Variants in PRKN observed in about 807,000 individuals in gnomAD.
PRKN encodes parkin RBR E3 ubiquitin protein ligase.
A neutral mutation model predicts 59.5 loss-of-function variants in PRKN; 56 were observed. That is an observed-to-expected ratio of 0.94 (90% CI 0.76 to 1.18). The LOEUF is 1.18. Among genes scored for constraint, PRKN ranks in the 50% most tolerant of loss-of-function variants. The pLI is 0.00. For missense variants in PRKN, 657 were observed against 596.4 expected (o/e 1.10, Z -1.06); for synonymous variants, 250 against 222.1 (o/e 1.13, Z -1.12).
chr6:161,756,304 T>C (rs1190810028), intron 7 of PRKN, among the ~76,000 whole-genome samples: 1 of 151,890 alleles, frequency 6.6e-6, no homozygotes, highest in Non-Finnish European at 1.5e-5. Context: ...CAGCCAGGCA[T>C]GGTCGTGCAC....
rs1472756640 is a variant in PRKN at position 161,786,413 on chromosome 6, A to G, written c.735-505T>C. Among the ~76,000 whole-genome samples the G allele has an allele frequency of 4.6e-5, 7 of 152,250 alleles. No homozygotes were observed. The East Asian group carries it at 1.4e-3, about 29-fold the overall frequency. On this transcript the variant is annotated intron_variant, in intron 6 of 11. Coordinates refer to ENST00000366898, the MANE Select transcript of PRKN (RefSeq NM_004562.3). Reference sequence around the variant, plus strand: ...TGTTTTAAAAATTTAAATCTTTAAAACATTTTAAATATTTTTTTCCTCCAA... The same window carrying G: ...TGTTTTAAAAATTTAAATCTTTAAAGCATTTTAAATATTTTTTTCCTCCAA...
chr6:162,033,842 A>T (rs1355327434), intron 5 of PRKN, among the ~76,000 whole-genome samples: 11 of 152,030 alleles, frequency 7.2e-5, no homozygotes, highest in Admixed American at 7.2e-4. Context: ...TTATTTATTA[A>T]TCTCCAGAAT....
chr6:162,568,078 T>C (rs1171955286), intron 1 of PRKN, among the ~76,000 whole-genome samples: 1 of 152,172 alleles, frequency 6.6e-6, no homozygotes, highest in East Asian at 1.9e-4. Context: ...AGAATGAAAC[T>C]AGACTTCTAT....
intron 1 of PRKN, among the ~76,000 whole-genome samples, chr6:162,464,776 C>T (rs999065938): frequency 3.3e-5 from 5 of 151,470 alleles, no homozygotes; most frequent in Admixed American, 3.3e-4. Context: ...TTGCAGTGAG[C>T]CGAGATCGCG....
chr6:161,741,102 C>T (rs1021523612), intron 7 of PRKN, among the ~76,000 whole-genome samples: 8 of 152,324 alleles, frequency 5.3e-5, no homozygotes, highest in African/African-American at 1.9e-4. Context: ...CTTAATTCAG[C>T]CTATTCTCCT....
At chr6:162,196,815 C>T (rs1784512674) in intron 4 of PRKN, among the ~76,000 whole-genome samples, 1 of 152,088 alleles carries the variant, frequency 6.6e-6, no homozygotes, top group Admixed American at 6.6e-5. Flanking sequence ...ATTTGAAAAG[C>T]AACTCATTAT....
At chr6:161,813,351 A>G (rs1465945844) in intron 6 of PRKN, among the ~76,000 whole-genome samples, 1 of 152,056 alleles carries the variant, frequency 6.6e-6, no homozygotes, top group Non-Finnish European at 1.5e-5. Context: ...CCCCAGCCTC[A>G]CCGGGCTGCG....
intron 3 of PRKN, among the ~76,000 whole-genome samples, chr6:162,245,820 A>G (rs1460551991): frequency 6.6e-6 from 1 of 152,096 alleles, no homozygotes; most frequent in South Asian, 2.1e-4. Flanking sequence ...CTGACTGGCA[A>G]TCTCTGGACC....
intron 7 of PRKN, among the ~76,000 whole-genome samples, chr6:161,632,564 C>G (rs767077499): frequency 6.6e-6 from 1 of 152,164 alleles, no homozygotes; most frequent in South Asian, 2.1e-4. Context: ...ATCCAGTTGT[C>G]TGAAAAATGT....
chr6:161,970,420 T>TAC (rs1554256015), intron 6 of PRKN, among the ~76,000 whole-genome samples: 7 of 149,476 alleles, frequency 4.7e-5, no homozygotes, highest in East Asian at 2.0e-4. Flanking sequence ...TATATATATA[T>TAC]ACATACACAC....
At chr6:162,295,303 T>C (rs1167279030) in intron 2 of PRKN, among the ~76,000 whole-genome samples, 1 of 152,228 alleles carries the variant, frequency 6.6e-6, no homozygotes, top group Non-Finnish European at 1.5e-5. Flanking sequence ...AGTTCAGTTG[T>C]TATGTGTGCA....
chr6:162,350,876 AAAGAC>A (rs1353036269), intron 2 of PRKN, among the ~76,000 whole-genome samples: 1 of 152,190 alleles, frequency 6.6e-6, no homozygotes, highest in African/African-American at 2.4e-5. Flanking sequence ...AAAATATAGA[AAAGAC>A]AAGTCACGAA....
At chr6:162,304,823 C>G (rs922003091) in intron 2 of PRKN, among the ~76,000 whole-genome samples, 1 of 138,898 alleles carries the variant, frequency 7.2e-6, no homozygotes, top group Non-Finnish European at 1.6e-5. Flanking sequence ...GCTGCTGCTG[C>G]CAGATGTGAG....
chr6:161,442,106 A>G lies in PRKN; in HGVS notation c.1084-55229T>C, dbSNP rs1789264719. On this transcript the variant is annotated intron_variant, in intron 9 of 11. Coordinates refer to ENST00000366898, the MANE Select transcript of PRKN (RefSeq NM_004562.3). The surrounding 1 kb of genome is among the most constrained non-coding windows in gnomAD (Gnocchi z 4.6). ...GAGTTTTATTTTCATCCCTACTTTA[A>G]TAAACATACATGTGCCAAGCTGGCT... Among the ~76,000 whole-genome samples the G allele has an allele frequency of 1.3e-5, 2 of 152,232 alleles. No individual in the cohort carries two copies. Among genetic ancestry groups the G allele is most frequent in the Admixed American group, 1.3e-4 (2 of 15,286 alleles).
At chr6:162,186,687 C>T (rs1008213464) in intron 4 of PRKN, among the ~76,000 whole-genome samples, 1 of 152,184 alleles carries the variant, frequency 6.6e-6, no homozygotes, top group Admixed American at 6.5e-5. Flanking sequence ...AGTGGCTTAG[C>T]GCCATCCCTC....
chr6:162,634,151 G>GC (rs1348179572), intron 1 of PRKN, among the ~76,000 whole-genome samples: 1 of 152,114 alleles, frequency 6.6e-6, no homozygotes, highest in Non-Finnish European at 1.5e-5. Flanking sequence ...CTGGGCTTTG[G>GC]CTGTTCTCCA....
intron 7 of PRKN, among the ~76,000 whole-genome samples, chr6:161,589,741 T>C (rs1781647873): frequency 2.0e-5 from 3 of 152,048 alleles, no homozygotes; most frequent in Non-Finnish European, 2.9e-5. Context: ...TTTGTTGAAT[T>C]TCCTTTAAAA....
chr6:162,071,298 A>C (rs1308480400), intron 4 of PRKN, among the ~76,000 whole-genome samples: 2 of 151,062 alleles, frequency 1.3e-5, no homozygotes, highest in Admixed American at 1.3e-4. Flanking sequence ...TTGTCACTCT[A>C]TTCCCAGCAT....
At chr6:162,659,631 A>G (rs190918124) in intron 1 of PRKN, among the ~76,000 whole-genome samples, 248 of 152,288 alleles carry the variant, frequency 1.6e-3, no homozygotes, top group Non-Finnish European at 3.2e-3. Flanking sequence ...GGGTTTTTGT[A>G]CCATGAGTTA....
Sources: allele counts gnomAD v4.1 joint callset (sites outside exome capture counted in the v4.1 genomes callset), GRCh38; gene constraint gnomAD v4.1.1; non-coding constraint Gnocchi (gnomAD v3.1); transcripts MANE v1.5; gene names NCBI Gene and HGNC (gene_info 2026-07-23, HGNC 2026-07-21).